CYP7B1: variants seen among roughly 807,000 people sequenced by gnomAD.
CYP7B1 encodes cytochrome P450 family 7 subfamily B member 1.
CYP7B1 carries 29 observed loss-of-function variants against 42.7 expected under a neutral mutation model. The observed-to-expected ratio is 0.68, with a 90% confidence interval of 0.51 to 0.93. The LOEUF (loss-of-function observed/expected upper bound fraction) is 0.93, where lower values mean the gene tolerates loss of function less well. Among genes scored for constraint, CYP7B1 ranks in the 40% least tolerant of loss-of-function variants. CYP7B1 has a pLI of 0.00. For synonymous variants in CYP7B1, 235 were observed against 218.2 expected (o/e 1.08, Z -0.68); for missense variants, 655 against 600.5 (o/e 1.09, Z -0.95).
At chr8:64,705,419 G>C (rs1806981249) in intron 1 of CYP7B1, among the ~76,000 whole-genome samples, 2 of 151,604 alleles carry the variant, frequency 1.3e-5, no homozygotes, top group Non-Finnish European at 2.9e-5. Flanking sequence ...ATAAATGAAT[G>C]AATGACTGAA....
chr8:64,730,352 G>A (rs1807390248), intron 1 of CYP7B1, among the ~76,000 whole-genome samples: 1 of 152,078 alleles, frequency 6.6e-6, no homozygotes. Flanking sequence ...TTACAGGCAT[G>A]AGCCACTGTG....
chr8:64,764,756 G>A (rs1433337128), intron 1 of CYP7B1, among the ~76,000 whole-genome samples: 1 of 152,134 alleles, frequency 6.6e-6, no homozygotes, highest in Non-Finnish European at 1.5e-5. Flanking sequence ...TACCTCACCA[G>A]TTCAGACTAT....
chr8:64,607,281 A>G (rs1290573551), intron 4 of CYP7B1, among the ~76,000 whole-genome samples: 1 of 151,964 alleles, frequency 6.6e-6, no homozygotes, highest in Non-Finnish European at 1.5e-5. Context: ...GAGATTTTAC[A>G]TGTTTCCAAA....
intron 1 of CYP7B1, among the ~76,000 whole-genome samples, chr8:64,662,195 C>T (rs1488061534): frequency 6.6e-6 from 1 of 152,064 alleles, no homozygotes; most frequent in Non-Finnish European, 1.5e-5. Context: ...TTGCTGGGTG[C>T]AGTGGTATGC....
At chr8:64,689,462 G>A (rs1806705906) in intron 1 of CYP7B1, among the ~76,000 whole-genome samples, 1 of 152,136 alleles carries the variant, frequency 6.6e-6, no homozygotes, top group African/African-American at 2.4e-5. Flanking sequence ...TCCTTCTTCT[G>A]TGCTGTTATT....
intron 2 of CYP7B1, 150 bp from the exon 3 acceptor site, chr8:64,616,431 T>C (rs191818327): frequency 1.6e-6 from 1 of 638,512 alleles, no homozygotes; most frequent in East Asian, 2.7e-5. Flanking sequence ...CATTCGAAGG[T>C]ACACTACATG....
intron 1 of CYP7B1, among the ~76,000 whole-genome samples, chr8:64,664,569 G>A (rs1213301142): frequency 1.3e-5 from 2 of 152,144 alleles, no homozygotes; most frequent in African/African-American, 2.4e-5. Context: ...AGCCATTGCA[G>A]TGAAGCTGGG....
intron 1 of CYP7B1, among the ~76,000 whole-genome samples, chr8:64,790,505 A>G (rs1038007098): frequency 1.3e-5 from 2 of 152,228 alleles, no homozygotes; most frequent in Non-Finnish European, 2.9e-5. Flanking sequence ...ATCAAAGCCT[A>G]AAGCTAAAGG....
At chr8:64,778,817 A>G (rs117408505) in intron 1 of CYP7B1, among the ~76,000 whole-genome samples, 1 of 152,180 alleles carries the variant, frequency 6.6e-6, no homozygotes, top group Non-Finnish European at 1.5e-5. Context: ...TTTCCATTGC[A>G]TCTGACATAG....
At chr8:64,742,585 G>A (rs917999102) in intron 1 of CYP7B1, among the ~76,000 whole-genome samples, 3 of 152,002 alleles carry the variant, frequency 2.0e-5, no homozygotes, top group East Asian at 1.9e-4. Context: ...TTATTTTCTC[G>A]CAGTTCTGGA....
intron 1 of CYP7B1, among the ~76,000 whole-genome samples, chr8:64,787,770 A>G (rs965830311): frequency 2.0e-5 from 3 of 152,196 alleles, no homozygotes; most frequent in African/African-American, 7.2e-5. Flanking sequence ...TCACACTGCT[A>G]TTAAGACATA....
At chr8:64,728,544 C>T (rs761379288) in intron 1 of CYP7B1, among the ~76,000 whole-genome samples, 26 of 152,086 alleles carry the variant, frequency 1.7e-4, no homozygotes, top group Admixed American at 5.9e-4. Context: ...CTTCTCCTTC[C>T]GGATGTATTC....
chr8:64,763,263 G>C (rs1207686358), intron 1 of CYP7B1, among the ~76,000 whole-genome samples: 1 of 152,190 alleles, frequency 6.6e-6, no homozygotes, highest in Non-Finnish European at 1.5e-5. Flanking sequence ...CTGAACACTA[G>C]TTGCTGGGTT....
rs533068391 is a variant in CYP7B1, at chr8:64,670,824, C to A, written c.123-46285G>T. Among the ~76,000 whole-genome samples, 6 of 152,254 alleles carry A rather than the reference C, an allele frequency of 3.9e-5. No individual in the cohort carries two copies. In the South Asian group the frequency reaches 6.2e-4, roughly 16 times the overall value. On this transcript the variant is annotated intron_variant, in intron 1 of 5. Transcript: ENST00000310193. ...TGCCTGACCCTCCTGTAGGTCTTTG[C>A]TCATCCCTTCCTTTCACAAGGCTCT...
At position 64,643,268 on chromosome 8, in the gene CYP7B1, T is replaced by G. The variant is rs576212582; in HGVS notation, c.123-18729A>C. On this transcript the variant is annotated intron_variant, in intron 1 of 5. Coordinates refer to ENST00000310193, the MANE Select transcript of CYP7B1 (RefSeq NM_004820.5). The stretch of plus-strand genomic sequence containing the variant: ...GTTCAGTTCCAGACCACCATCATAA[T>G]GTGAATGTTGCAATAAAGCAAATGT... Among the ~76,000 whole-genome samples the G allele has an allele frequency of 4.6e-5, 7 of 151,424 alleles. No homozygotes were observed. In the South Asian group the frequency reaches 1.5e-3, roughly 31 times the overall value.
At chr8:64,750,862 C>T (rs1807715581) in intron 1 of CYP7B1, among the ~76,000 whole-genome samples, 1 of 152,186 alleles carries the variant, frequency 6.6e-6, no homozygotes, top group African/African-American at 2.4e-5. Context: ...ACTTTCCAGG[C>T]ACCACGGCTT....
Position 64,798,644 on chromosome 8 carries a change from C to G in CYP7B1, c.-57G>C. ...GGGGTCTGCCTGCGAACAGCGCGGT[C>G]GGCGACTCTGCAGCCTGCGGCGGCT... is the stretch of plus-strand genomic sequence containing the variant. On this transcript the variant is annotated 5_prime_UTR_variant, in exon 1 of 6. Transcript: ENST00000310193. 2 of 1,434,302 alleles carry G rather than the reference C, an allele frequency of 1.4e-6. No individual in the cohort carries two copies. Among genetic ancestry groups the G allele is most frequent in the South Asian group, 2.8e-5 (2 of 71,338 alleles). 88.8% of individuals were successfully genotyped at this position (1,434,302 alleles called of 1,614,324 possible). A position where few individuals can be genotyped will look rare whatever the true frequency, so the allele number is the denominator to read the frequency against.
chr8:64,706,434 T>C (rs1015741106), intron 1 of CYP7B1, among the ~76,000 whole-genome samples: 2 of 152,088 alleles, frequency 1.3e-5, no homozygotes, highest in African/African-American at 4.8e-5. Context: ...TTTAAGCACA[T>C]ACTTTCTCAT....
intron 1 of CYP7B1, among the ~76,000 whole-genome samples, chr8:64,681,961 T>G (rs974732393): frequency 3.9e-5 from 6 of 152,102 alleles, no homozygotes; most frequent in African/African-American, 1.4e-4. Flanking sequence ...GTGCACTGAG[T>G]TGTAGCCAAT....
Sources: gnomAD v4.1 joint callset for allele counts (sites outside exome capture counted in the v4.1 genomes callset) on GRCh38, gnomAD v4.1.1 for gene constraint, MANE v1.5 for transcripts, NCBI Gene and HGNC (gene_info 2026-07-23, HGNC 2026-07-21) for gene names.